The following PRELID2 variants were observed in gnomAD, a reference collection of about 807,000 sequenced individuals.
The protein encoded by PRELID2 is PRELI domain containing 2, also known as PRELI domain-containing protein 2.
In PRELID2, 25 loss-of-function variants were observed where a neutral mutation model predicts 28.4. The observed-to-expected ratio is 0.88, with a 90% CI of 0.64 to 1.23. The LOEUF (loss-of-function observed/expected upper bound fraction) is 1.23, where lower values mean the gene tolerates loss of function less well. Among genes scored for constraint, PRELID2 ranks in the 50% most tolerant of loss-of-function variants. The pLI, the probability that PRELID2 is intolerant of heterozygous loss-of-function variation, is 0.00. For missense variants in PRELID2, 201 were observed against 214.4 expected (o/e 0.94, Z 0.39); for synonymous variants, 76 against 71.6 (o/e 1.06, Z -0.31).
At chr5:145,626,574 G>T (rs1193843217) in intron 1 of PRELID2, among the ~76,000 whole-genome samples, 1 of 152,058 alleles carries the variant, frequency 6.6e-6, no homozygotes, top group East Asian at 1.9e-4. Context: ...CTCTTGGTGG[G>T]AATGTCAGTT....
chr5:145,749,636 A>C (rs1475207243), intron 1 of PRELID2, among the ~76,000 whole-genome samples: 1 of 152,198 alleles, frequency 6.6e-6, no homozygotes, highest in Non-Finnish European at 1.5e-5. Context: ...AGGAATATAA[A>C]TCATTCTACT....
chr5:145,373,036 TATG>T, the PRELID2 span, among the ~76,000 whole-genome samples: 1 of 97,052 alleles, frequency 1.0e-5, no homozygotes, highest in South Asian at 3.2e-4. Flanking sequence ...ACATATATAA[TATG>T]ATATATATTA....
chr5:145,667,489 A>T (rs753482159), intron 1 of PRELID2, among the ~76,000 whole-genome samples: 26 of 152,102 alleles, frequency 1.7e-4, no homozygotes, highest in Non-Finnish European at 3.4e-4. Flanking sequence ...ATACAGGTGA[A>T]GACACTGAGG....
chr5:145,585,966 T>C (rs1753150605), intron 1 of PRELID2, among the ~76,000 whole-genome samples: 1 of 152,230 alleles, frequency 6.6e-6, no homozygotes, highest in Admixed American at 6.5e-5. Flanking sequence ...CATAAATCCG[T>C]GCTCTTGAAA....
At chr5:145,682,047 C>T (rs751973014) in intron 1 of PRELID2, among the ~76,000 whole-genome samples, 3 of 150,968 alleles carry the variant, frequency 2.0e-5, no homozygotes, top group Non-Finnish European at 4.4e-5. Flanking sequence ...ATTTTTAAAA[C>T]CATAACTTGG....
chr5:145,484,770 G>T (rs140713580), intron 1 of PRELID2, among the ~76,000 whole-genome samples: 272 of 152,202 alleles, frequency 1.8e-3, no homozygotes, highest in African/African-American at 6.4e-3. Flanking sequence ...AGCCAACAAG[G>T]AGTTCACTTA....
At chr5:145,547,269 C>G (rs2126677806) in intron 1 of PRELID2, among the ~76,000 whole-genome samples, 1 of 152,254 alleles carries the variant, frequency 6.6e-6, no homozygotes, top group East Asian at 1.9e-4. Context: ...GACAGTGGCA[C>G]AGCTTTTCTG....
chr5:145,340,004 G>T, the PRELID2 span, among the ~76,000 whole-genome samples: 1 of 152,120 alleles, frequency 6.6e-6, no homozygotes, highest in African/African-American at 2.4e-5. Context: ...ACCTGCCTAC[G>T]CTGAGCTAGC....
intron 1 of PRELID2, among the ~76,000 whole-genome samples, chr5:145,724,248 A>T (rs1756067712): frequency 6.6e-6 from 1 of 152,044 alleles, no homozygotes; most frequent in African/African-American, 2.4e-5. Flanking sequence ...ATGTTCTGAG[A>T]CCACAATATT....
Position 145,758,166 on chromosome 5 carries a change from A to G in PRELID2, c.*2370T>C, listed in dbSNP as rs2149758494. On this transcript the variant is annotated 3_prime_UTR_variant, in exon 7 of 7. Transcript: ENST00000683046. ...TTGGTTGCCAATAAAAAACTAGGAG[A>G]TTTTTTTTTTAATTCTGTCTTTTCT... Among the ~76,000 whole-genome samples, 1 of 150,506 alleles carries G rather than the reference A, an allele frequency of 6.6e-6. No homozygotes were observed. Among genetic ancestry groups the G allele is most frequent in the Admixed American group, 6.6e-5 (1 of 15,062 alleles).
chr5:145,264,345 A>G, the PRELID2 span, among the ~76,000 whole-genome samples: 5 of 152,202 alleles, frequency 3.3e-5, no homozygotes, highest in South Asian at 1.0e-3. Flanking sequence ...AATATACACA[A>G]GTCAATAAAT....
At chr5:145,359,069 T>C in the PRELID2 span, among the ~76,000 whole-genome samples, 2 of 152,286 alleles carry the variant, frequency 1.3e-5, no homozygotes, top group Non-Finnish European at 2.9e-5. Flanking sequence ...TTCCAGATGG[T>C]GATTACTGAT....
At chr5:145,470,787 T>G (rs1227386798), downstream of PRELID2, among the ~76,000 whole-genome samples, 2 of 152,124 alleles carry the variant, frequency 1.3e-5, no homozygotes, top group Non-Finnish European at 2.9e-5. Flanking sequence ...TTTGAGTGAC[T>G]AATAGACCCT....
Position 145,820,026 on chromosome 5 carries a change from A to G in PRELID2, c.134-8T>C, listed in dbSNP as rs1308058190. The G allele has an allele frequency of 6.4e-7, 1 of 1,554,008 alleles. No homozygotes were observed. The highest frequency in any genetic ancestry group is 2.3e-5 in the East Asian group (1 of 44,416). Reference sequence around the variant, plus strand: ...TGACCCCTGTTGATTCATCTAAAAAAGAAATTTTTTTACACAAAAAAAAAT... The same window carrying G: ...TGACCCCTGTTGATTCATCTAAAAAGGAAATTTTTTTACACAAAAAAAAAT... On this transcript the variant is annotated splice_region_variant and splice_polypyrimidine_tract_variant and intron_variant, in intron 2 of 6. Coordinates refer to ENST00000683046, the MANE Select transcript of PRELID2 (RefSeq NM_205846.3).
chr5:145,817,202 A>AAAAAAAAT (rs1341052896), intron 4 of PRELID2, among the ~76,000 whole-genome samples: 1 of 51,388 alleles, frequency 1.9e-5, no homozygotes, highest in African/African-American at 5.2e-5. Flanking sequence ...AAAAAAAATA[A>AAAAAAAAT]ATAAATAAAT....
chr5:145,559,039 G>A (rs927878625), intron 1 of PRELID2, among the ~76,000 whole-genome samples: 3 of 152,156 alleles, frequency 2.0e-5, no homozygotes, highest in Non-Finnish European at 4.4e-5. Context: ...CGGATCACGA[G>A]GTCAGGAGAT....
intron 1 of PRELID2, among the ~76,000 whole-genome samples, chr5:145,691,351 A>C (rs1755145212): frequency 6.6e-6 from 1 of 152,206 alleles, no homozygotes; most frequent in Non-Finnish European, 1.5e-5. Context: ...AAGTAGAGCC[A>C]AGGCTAGCCA....
At chr5:145,718,806 A>G (rs1162970298) in intron 1 of PRELID2, among the ~76,000 whole-genome samples, 2 of 152,048 alleles carry the variant, frequency 1.3e-5, no homozygotes, top group African/African-American at 4.8e-5. Flanking sequence ...AATGTTTATT[A>G]CATGGAGAAA....
chr5:145,735,039 A>G (rs558663877), intron 1 of PRELID2, among the ~76,000 whole-genome samples: 2 of 152,170 alleles, frequency 1.3e-5, no homozygotes, highest in South Asian at 4.2e-4. Context: ...GAAGTCAGGA[A>G]TTCGAGACCA....
Sources: allele counts gnomAD v4.1 joint callset (sites outside exome capture counted in the v4.1 genomes callset), GRCh38; gene constraint gnomAD v4.1.1; transcripts MANE v1.5; gene names NCBI Gene and HGNC (gene_info 2026-07-23, HGNC 2026-07-21).